NRCAM: variants seen among roughly 807,000 people sequenced by gnomAD.
The protein encoded by NRCAM is neuronal cell adhesion molecule.
In NRCAM, 83 loss-of-function variants were observed where a neutral mutation model predicts 156.5. The observed-to-expected ratio is 0.53, with a 90% confidence interval of 0.44 to 0.64. NRCAM has a LOEUF of 0.64. NRCAM is among the 30% of genes least tolerant of loss of function. The pLI is 0.00. For missense variants in NRCAM, 1,417 were observed against 1,597.3 expected, an observed-to-expected ratio of 0.89 and a Z score of 1.92; for synonymous variants, 538 against 563.9, an observed-to-expected ratio of 0.95 and a Z score of 0.65.
chr7:108,319,695 T>C (rs1450290305), intron 2 of NRCAM, among the ~76,000 whole-genome samples: 1 of 152,152 alleles, frequency 6.6e-6, no homozygotes, highest in Admixed American at 6.5e-5. Flanking sequence ...GGTCAGACTT[T>C]TCTAAGGAAA....
intron 2 of NRCAM, among the ~76,000 whole-genome samples, chr7:108,392,640 G>A (rs2099764068): frequency 6.6e-6 from 1 of 152,204 alleles, no homozygotes; most frequent in Admixed American, 6.6e-5. Context: ...TGGAGAAGAT[G>A]TGCTCTGATT....
At chr7:108,307,341 C>G (rs1217313910) in intron 3 of NRCAM, among the ~76,000 whole-genome samples, 1 of 152,218 alleles carries the variant, frequency 6.6e-6, no homozygotes, top group Non-Finnish European at 1.5e-5. Flanking sequence ...CCCATTGTTT[C>G]ACTGTAGCAT....
At chr7:108,169,476 G>T (rs2057122136) in intron 28 of NRCAM, among the ~76,000 whole-genome samples, 1 of 152,128 alleles carries the variant, frequency 6.6e-6, no homozygotes, top group Non-Finnish European at 1.5e-5. Context: ...ATAAAATGTA[G>T]ACGCTCAAGA....
At chr7:108,289,079 G>A (rs1001897598) in intron 3 of NRCAM, among the ~76,000 whole-genome samples, 1 of 152,096 alleles carries the variant, frequency 6.6e-6, no homozygotes, top group Non-Finnish European at 1.5e-5. Flanking sequence ...GGATACAACT[G>A]TCTGTTTCAA....
rs2065538045 is a variant in NRCAM, at chr7:108,184,594, C to T, written c.2056G>A (p.Asp686Asn). 6.2e-7 allele frequency: 1 copy of T among 1,613,082 alleles called. No homozygotes were observed. The highest frequency in any genetic ancestry group is 8.5e-7 in the Non-Finnish European group (1 of 1,179,916). Residue 686 changes from aspartate (D) to asparagine (N), a missense_variant, in exon 21 of 33, where the codon GAT (aspartate) becomes AAT (asparagine). By Grantham distance (23) the Asp-to-Asn change is conservative. Transcript: ENST00000379028. ...PITKFIIEYEDAMHKPGLWHH... is the reference protein window; with the variant it reads ...PITKFIIEYENAMHKPGLWHH... ...CACAGCCCTGGCTTGTGCATTGCATCTTCATATTCGATGATGAATTCTGGT... is the reference window on the plus strand; with the variant it reads ...CACAGCCCTGGCTTGTGCATTGCATTTTCATATTCGATGATGAATTCTGGT...
chr7:108,426,117 T>C (rs899457264), intron 1 of NRCAM, among the ~76,000 whole-genome samples: 1 of 152,268 alleles, frequency 6.6e-6, no homozygotes, highest in African/African-American at 2.4e-5. Context: ...TCTGATTATG[T>C]CTGTGTGACT....
chr7:108,172,571 C>A (rs2058875428), intron 28 of NRCAM, among the ~76,000 whole-genome samples: 1 of 152,176 alleles, frequency 6.6e-6, no homozygotes, highest in Non-Finnish European at 1.5e-5. Flanking sequence ...GCTGGGATTA[C>A]AGGCATGAGC....
At chr7:108,252,528 C>A (rs559898603) in intron 3 of NRCAM, among the ~76,000 whole-genome samples, 1 of 152,116 alleles carries the variant, frequency 6.6e-6, no homozygotes, top group African/African-American at 2.4e-5. Context: ...TACTCCCAAA[C>A]CTAAAATAAA....
At chr7:108,224,122 T>G (rs1311103882) in intron 10 of NRCAM, among the ~76,000 whole-genome samples, 2 of 152,166 alleles carry the variant, frequency 1.3e-5, no homozygotes, top group Non-Finnish European at 2.9e-5. Flanking sequence ...TTACAAATTT[T>G]CTGTGGGTTA....
At chr7:108,225,616 G>C in intron 10 of NRCAM, 29 bp downstream of exon 10, 2 of 1,369,916 alleles carry the variant, frequency 1.5e-6, no homozygotes, top group Non-Finnish European at 2.1e-6. Context: ...ATGAAGGAGA[G>C]AATATCAGTT....
intron 3 of NRCAM, among the ~76,000 whole-genome samples, chr7:108,249,687 G>A (rs1413059860): frequency 6.6e-6 from 1 of 152,186 alleles, no homozygotes; most frequent in East Asian, 1.9e-4. Context: ...AAGCATGAAT[G>A]TTAGAAACAA....
chr7:108,381,102 C>G (rs2154357992), intron 2 of NRCAM, among the ~76,000 whole-genome samples: 1 of 152,112 alleles, frequency 6.6e-6, no homozygotes, highest in South Asian at 2.1e-4. Context: ...CACTAATACC[C>G]TAAGGACTAA....
At chr7:108,425,010 TA>T (rs1815257002) in intron 1 of NRCAM, among the ~76,000 whole-genome samples, 3 of 152,186 alleles carry the variant, frequency 2.0e-5, no homozygotes, top group Admixed American at 2.0e-4. Context: ...GATAAGAAGT[TA>T]ATTCATTACA....
At position 108,237,177 on chromosome 7, in the gene NRCAM, AG is replaced by A. The variant is rs147816663; in HGVS notation, c.124+574del. On this transcript the variant is annotated intron_variant, in intron 5 of 32. Coordinates refer to ENST00000379028, the MANE Select transcript of NRCAM (RefSeq NM_001037132.4). ...ATGCCACCTGTCAAAGGCAGTGGAA[AG>A]TTTTGCTCAGAGCAAGCCATTCAAA... 5.3e-3 allele frequency among the ~76,000 whole-genome samples: 811 copies of A among 152,324 alleles called. 8 individuals carry two copies. Among genetic ancestry groups the A allele is most frequent in the African/African-American group, 0.019 (772 of 41,568 alleles).
chr7:108,288,658 T>C (rs928428393), intron 3 of NRCAM, among the ~76,000 whole-genome samples: 2 of 152,142 alleles, frequency 1.3e-5, no homozygotes, highest in African/African-American at 2.4e-5. Flanking sequence ...TTAAATTACA[T>C]AAGAACCTGT....
At chr7:108,185,342 T>C (rs150114057) in intron 20 of NRCAM, among the ~76,000 whole-genome samples, 161 of 152,308 alleles carry the variant, frequency 1.1e-3, no homozygotes, top group Non-Finnish European at 1.8e-3. Flanking sequence ...TTATTTGCAA[T>C]TGAAACAACC....
chr7:108,363,057 G>A (rs2154323670), intron 2 of NRCAM, among the ~76,000 whole-genome samples: 1 of 152,118 alleles, frequency 6.6e-6, no homozygotes, highest in Non-Finnish European at 1.5e-5. Flanking sequence ...AGAGACATGG[G>A]AGCCAATTGA....
intron 3 of NRCAM, among the ~76,000 whole-genome samples, chr7:108,266,905 C>CTG (rs2097127786): frequency 1.3e-5 from 1 of 79,780 alleles, no homozygotes; most frequent in African/African-American, 4.3e-5. Context: ...AGATTTTACC[C>CTG]CGCTAACAAG....
intron 32 of NRCAM, among the ~76,000 whole-genome samples, chr7:108,157,937 A>G (rs2046551057): frequency 6.6e-6 from 1 of 152,254 alleles, no homozygotes. Context: ...CTTCATCACA[A>G]TACATAAGGG....
Sources: gnomAD v4.1 joint callset for allele counts (sites outside exome capture counted in the v4.1 genomes callset) on GRCh38, gnomAD v4.1.1 for gene constraint, MANE v1.5 for transcripts, NCBI Gene and HGNC (gene_info 2026-07-23, HGNC 2026-07-21) for gene names.